Variants in RORB observed in about 807,000 individuals in gnomAD.
RORB encodes nuclear receptor ROR-beta.
RORB carries 6 observed loss-of-function variants against 59.1 expected under a neutral mutation model. The ratio of observed to expected loss-of-function variants is 0.10; its 90% CI spans 0.06 to 0.20. The LOEUF is 0.20. Among genes scored for constraint, RORB ranks in the 10% least tolerant of loss-of-function variants. RORB has a pLI of 1.00. For missense variants in RORB, 320 were observed against 560.5 expected, an observed-to-expected ratio of 0.57 and a Z score of 4.33; for synonymous variants, 215 against 204.5, an observed-to-expected ratio of 1.05 and a Z score of -0.44.
In RORB at chr9:74,631,855, T is replaced by C. The variant is rs534604111; in HGVS notation, c.93+1488T>C. Among the ~76,000 whole-genome samples, 49 of 152,288 alleles carry C rather than the reference T, an allele frequency of 3.2e-4. 1 individual carries two copies. The highest frequency in any genetic ancestry group is 1.1e-3 in the African/African-American group (47 of 41,560). On this transcript the variant is annotated intron_variant, in intron 2 of 9. Coordinates refer to ENST00000376896, the MANE Select transcript of RORB (RefSeq NM_006914.4). ...AAGAATAAACAAGAAAACAAAATTA[T>C]GTCAGCAATTTTTTACCCTCCTTGA...
At chr9:74,538,741 A>C (rs980032750) in intron 1 of RORB, among the ~76,000 whole-genome samples, 2 of 151,658 alleles carry the variant, frequency 1.3e-5, no homozygotes, top group Non-Finnish European at 2.9e-5. Flanking sequence ...AAAAAAAAAA[A>C]CAGAATTAAA....
intron 1 of RORB, among the ~76,000 whole-genome samples, chr9:74,531,943 A>C (rs1313103218): frequency 6.6e-6 from 1 of 151,872 alleles, no homozygotes; most frequent in African/African-American, 2.4e-5. Context: ...ACATCTTGAA[A>C]ATTTTTCATC....
chr9:74,505,363 C>A (rs1412054152), intron 1 of RORB, among the ~76,000 whole-genome samples: 1 of 151,904 alleles, frequency 6.6e-6, no homozygotes, highest in African/African-American at 2.4e-5. Context: ...CCATCTTCCC[C>A]AAAATATTTC....
intron 1 of RORB, among the ~76,000 whole-genome samples, chr9:74,544,320 G>A (rs564122186): frequency 1.3e-5 from 2 of 152,228 alleles, no homozygotes; most frequent in East Asian, 1.9e-4. Flanking sequence ...TCACACACAC[G>A]CAAAGACTGT....
chr9:74,623,369 G>A (rs868551358), intron 1 of RORB, among the ~76,000 whole-genome samples: 5 of 151,958 alleles, frequency 3.3e-5, no homozygotes, highest in African/African-American at 9.7e-5. Context: ...TTACAGTAAC[G>A]CAAGATATTT....
intron 1 of RORB, among the ~76,000 whole-genome samples, chr9:74,608,406 A>G (rs1320683348): frequency 3.3e-5 from 5 of 152,142 alleles, no homozygotes; most frequent in Admixed American, 2.0e-4. Flanking sequence ...TCTACTAAAA[A>G]GAAAAAAATA....
intron 1 of RORB, among the ~76,000 whole-genome samples, chr9:74,578,274 G>C (rs1044119999): frequency 3.3e-5 from 5 of 152,124 alleles, no homozygotes; most frequent in African/African-American, 1.2e-4. Context: ...GGTCTAGAAA[G>C]GGGACAAGAT....
rs1587417295 is a variant in RORB at position 74,671,848 on chromosome 9, G to T, written c.1171G>T (p.Ala391Ser). The T allele has an allele frequency of 1.2e-6, 2 of 1,612,580 alleles. No individual in the cohort carries two copies. The highest frequency in any genetic ancestry group is 1.7e-6 in the Non-Finnish European group (2 of 1,179,200). Residue 391 changes from alanine (A) to serine (S), a missense_variant, in exon 9 of 10, where the codon GCA (alanine) becomes TCA (serine). Transcript: ENST00000376896. Reference protein sequence around the residue: ...VQKLQEKIYFALQHVIQKNHL... With the variant: ...VQKLQEKIYFSLQHVIQKNHL... ...GAAGCTTCAGGAAAAAATTTATTTT[G>T]CACTTCAACATGTGATTCAGAAGAA...
At chr9:74,659,727 A>G (rs1563966847) in intron 4 of RORB, among the ~76,000 whole-genome samples, 3 of 151,870 alleles carry the variant, frequency 2.0e-5, no homozygotes, top group Non-Finnish European at 4.4e-5. Context: ...GATCTCCCAC[A>G]GCAGGCTTTT....
chr9:74,563,184 C>CTT (rs766404071), intron 1 of RORB, among the ~76,000 whole-genome samples: 47 of 127,096 alleles, frequency 3.7e-4, no homozygotes, highest in South Asian at 1.0e-3. Flanking sequence ...TCTCTTCAGT[C>CTT]TTTTTTTTTT....
At chr9:74,648,227 A>T (rs1279461116) in intron 4 of RORB, among the ~76,000 whole-genome samples, 1 of 152,180 alleles carries the variant, frequency 6.6e-6, no homozygotes, top group Non-Finnish European at 1.5e-5. Context: ...TTTCATTGTC[A>T]TCTAACCCCT....
intron 1 of RORB, among the ~76,000 whole-genome samples, chr9:74,555,719 G>C (rs940940374): frequency 1.3e-5 from 2 of 152,170 alleles, no homozygotes; most frequent in African/African-American, 4.8e-5. Context: ...ATTCCAATTA[G>C]AGCTTGGGCT....
chr9:74,640,476 G>A (rs924512681), intron 3 of RORB, among the ~76,000 whole-genome samples: 2 of 151,530 alleles, frequency 1.3e-5, no homozygotes, highest in Non-Finnish European at 2.9e-5. Context: ...GTAGAGACAG[G>A]GTTTCACCAC....
At chr9:74,588,795 G>T (rs1264123444) in intron 1 of RORB, among the ~76,000 whole-genome samples, 1 of 152,026 alleles carries the variant, frequency 6.6e-6, no homozygotes, top group Non-Finnish European at 1.5e-5. Flanking sequence ...TTTTTGTATG[G>T]GTACAAAGTG....
At chr9:74,660,276 A>C (rs1403692844) in intron 4 of RORB, among the ~76,000 whole-genome samples, 1 of 152,176 alleles carries the variant, frequency 6.6e-6, no homozygotes, top group Non-Finnish European at 1.5e-5. Flanking sequence ...TTGGAGTACA[A>C]GTGTTAAGAC....
chr9:74,623,060 C>CCG (rs1823450307), intron 1 of RORB, among the ~76,000 whole-genome samples: 1 of 152,166 alleles, frequency 6.6e-6, no homozygotes, highest in Non-Finnish European at 1.5e-5. Flanking sequence ...TCCAGAACTA[C>CCG]TGTGAATAGC....
At chr9:74,660,026 C>T (rs1437255801) in intron 4 of RORB, among the ~76,000 whole-genome samples, 1 of 152,108 alleles carries the variant, frequency 6.6e-6, no homozygotes, top group African/African-American at 2.4e-5. Flanking sequence ...ACCACCTCTC[C>T]TATTATGTAA....
intron 1 of RORB, among the ~76,000 whole-genome samples, chr9:74,589,367 C>G (rs536271156): frequency 2.7e-4 from 41 of 152,254 alleles, no homozygotes; most frequent in African/African-American, 9.9e-4. Flanking sequence ...ACCTCTCTCC[C>G]CCAACACACA....
intron 1 of RORB, among the ~76,000 whole-genome samples, chr9:74,553,307 CA>C (rs1826640609): frequency 6.6e-6 from 1 of 152,106 alleles, no homozygotes; most frequent in Non-Finnish European, 1.5e-5. Flanking sequence ...TTTCAGGAAC[CA>C]AACATTTCAT....
Sources: gnomAD v4.1 joint callset for allele counts (sites outside exome capture counted in the v4.1 genomes callset) on GRCh38, gnomAD v4.1.1 for gene constraint, MANE v1.5 for transcripts, NCBI Gene and HGNC (gene_info 2026-07-23, HGNC 2026-07-21) for gene names.